TBC1D19: variants seen among roughly 807,000 people sequenced by gnomAD.
TBC1D19 encodes TBC1 domain family member 19, also known as TBC1 domain family, member 19.
In TBC1D19, 60 loss-of-function variants were observed where a neutral mutation model predicts 89.0. The observed-to-expected ratio is 0.67, with a 90% CI of 0.55 to 0.84. The LOEUF (loss-of-function observed/expected upper bound fraction) is 0.84. Among genes scored for constraint, TBC1D19 ranks in the 40% least tolerant of loss-of-function variants. The pLI is 0.00. For missense variants in TBC1D19, 500 were observed against 610.8 expected (o/e 0.82, Z 1.91); for synonymous variants, 189 against 199.7 (o/e 0.95, Z 0.45).
At chr4:26,842,755 A>G in the TBC1D19 span, among the ~76,000 whole-genome samples, 60,407 of 150,574 alleles carry the variant, frequency 0.4, 12,936 homozygotes, top group African/African-American at 0.56. Context: ...TGCCTGCCTC[A>G]GCCTCCCCAA....
the TBC1D19 span, among the ~76,000 whole-genome samples, chr4:26,769,123 G>A: frequency 6.6e-6 from 1 of 152,084 alleles, no homozygotes. Context: ...CAAGCTAGAA[G>A]GCAGTAGACC....
the TBC1D19 span, among the ~76,000 whole-genome samples, chr4:26,840,859 C>T: frequency 5.3e-5 from 8 of 152,114 alleles, no homozygotes; most frequent in African/African-American, 1.9e-4. Context: ...GTCCTTCTCA[C>T]TGCCCTTCTT....
chr4:26,583,889 G>T, upstream of TBC1D19: 1 of 365,956 alleles, frequency 2.7e-6, no homozygotes, highest in East Asian at 5.9e-5. Context: ...GAGGCGCTGT[G>T]GCTCTGAAAG....
the TBC1D19 span, among the ~76,000 whole-genome samples, chr4:26,842,489 C>T: frequency 6.6e-6 from 1 of 151,422 alleles, no homozygotes; most frequent in African/African-American, 2.4e-5. Context: ...AGGCATGCAC[C>T]ACCACACCTG....
chr4:26,775,178 G>A, the TBC1D19 span, among the ~76,000 whole-genome samples: 1 of 152,210 alleles, frequency 6.6e-6, no homozygotes, highest in Non-Finnish European at 1.5e-5. Flanking sequence ...CAGGCCAGAT[G>A]CAGTGGCTTA....
intron 1 of TBC1D19, among the ~76,000 whole-genome samples, chr4:26,585,556 G>A (rs1451346684): frequency 2.0e-5 from 3 of 151,442 alleles, no homozygotes; most frequent in African/African-American, 7.3e-5. Flanking sequence ...TCAGATGTGC[G>A]TCTTGCAAAT....
At chr4:26,735,597 A>G in intron 16 of TBC1D19, 110 bp downstream of exon 16, 2 of 1,021,786 alleles carry the variant, frequency 2.0e-6, no homozygotes, top group Non-Finnish European at 2.7e-6. Context: ...GTAAAACAAT[A>G]AAGGAAAAAA....
At chr4:26,588,711 C>T (rs1739583782) in intron 1 of TBC1D19, among the ~76,000 whole-genome samples, 1 of 152,090 alleles carries the variant, frequency 6.6e-6, no homozygotes, top group Admixed American at 6.5e-5. Context: ...CTATCTTTCT[C>T]TGATTGATTT....
At chr4:26,762,088 G>T in the TBC1D19 span, among the ~76,000 whole-genome samples, 53 of 152,252 alleles carry the variant, frequency 3.5e-4, no homozygotes, top group South Asian at 1.0e-3. Context: ...GTGAGCCGAG[G>T]TTGCACCACC....
the TBC1D19 span, among the ~76,000 whole-genome samples, chr4:26,850,540 CAAAAA>C: frequency 7.3e-4 from 66 of 90,420 alleles, 1 homozygote; most frequent in South Asian, 4.3e-3. Context: ...GACCCTGTCT[CAAAAA>C]AAAAAAAAAA....
chr4:26,696,313 C>T (rs1367973286), intron 13 of TBC1D19, among the ~76,000 whole-genome samples: 1 of 152,202 alleles, frequency 6.6e-6, no homozygotes, highest in African/African-American at 2.4e-5. Context: ...AGCTAACTGT[C>T]TTAAATATAT....
At chr4:26,811,779 A>G in the TBC1D19 span, among the ~76,000 whole-genome samples, 2 of 152,226 alleles carry the variant, frequency 1.3e-5, no homozygotes, top group African/African-American at 4.8e-5. Flanking sequence ...TGACATTGCC[A>G]TGGCATTTGT....
At chr4:26,838,804 T>A in the TBC1D19 span, among the ~76,000 whole-genome samples, 1 of 152,268 alleles carries the variant, frequency 6.6e-6, no homozygotes, top group East Asian at 1.9e-4. Context: ...AGAGGCCTTA[T>A]GGCCTGATAA....
the TBC1D19 span, among the ~76,000 whole-genome samples, chr4:26,812,542 T>C: frequency 6.6e-6 from 1 of 152,078 alleles, no homozygotes; most frequent in Non-Finnish European, 1.5e-5. This position sits in a 1 kb window ranked among gnomAD's most constrained non-coding sequence, Gnocchi z 4.2. Context: ...AACATAGCAG[T>C]CAATGCCACA....
intron 10 of TBC1D19, among the ~76,000 whole-genome samples, chr4:26,673,438 T>TACACACACACAC (rs1419263495): frequency 3.1e-4 from 5 of 15,938 alleles, no homozygotes; most frequent in African/African-American, 5.4e-4. Context: ...TATATATATA[T>TACACACACACAC]ATATATATAC....
the TBC1D19 span, among the ~76,000 whole-genome samples, chr4:26,832,345 T>C: frequency 1.3e-5 from 2 of 152,194 alleles, no homozygotes; most frequent in African/African-American, 4.8e-5. Context: ...TTTAGAATCA[T>C]AGACTCTGGC....
chr4:26,808,906 A>T, the TBC1D19 span, among the ~76,000 whole-genome samples: 1 of 152,140 alleles, frequency 6.6e-6, no homozygotes, highest in Admixed American at 6.5e-5. Flanking sequence ...TTGGGAAGAC[A>T]TGATGTAAGA....
the TBC1D19 span, among the ~76,000 whole-genome samples, chr4:26,843,960 G>T: frequency 4.6e-5 from 7 of 152,154 alleles, no homozygotes; most frequent in Non-Finnish European, 8.8e-5. Context: ...TCACCAAGGG[G>T]ATGGCACCAA....
chr4:26,799,922 T>C, the TBC1D19 span, among the ~76,000 whole-genome samples: 37 of 149,460 alleles, frequency 2.5e-4, no homozygotes, highest in Admixed American at 2.5e-3. Context: ...AGAGGGTGAA[T>C]AGCTATAATA....
Sources: allele counts gnomAD v4.1 joint callset (sites outside exome capture counted in the v4.1 genomes callset), GRCh38; gene constraint gnomAD v4.1.1; non-coding constraint Gnocchi (gnomAD v3.1); transcripts MANE v1.5; gene names NCBI Gene and HGNC (gene_info 2026-07-23, HGNC 2026-07-21).